PLPPR4: variants seen among roughly 807,000 people sequenced by gnomAD.
PLPPR4 encodes the protein phospholipid phosphatase-related protein type 4.
Under a neutral mutation model 56.6 loss-of-function variants are expected in PLPPR4, and 24 were observed. The ratio of observed to expected loss-of-function variants is 0.42; its 90% CI spans 0.31 to 0.60. The LOEUF (loss-of-function observed/expected upper bound fraction) is 0.60, where lower values mean the gene tolerates loss of function less well. Ranked by LOEUF, PLPPR4 falls within the 20% of genes least tolerant of loss-of-function variation. The pLI, the probability that PLPPR4 is intolerant of heterozygous loss-of-function variation, is 0.13. For missense variants in PLPPR4, 654 were observed against 885.8 expected (o/e 0.74, Z 3.32); for synonymous variants, 326 against 328.1 (o/e 0.99, Z 0.07).
chr1:99,303,299 A>G (rs1238240669), intron 6 of PLPPR4, among the ~76,000 whole-genome samples: 3 of 152,174 alleles, frequency 2.0e-5, no homozygotes, highest in Non-Finnish European at 4.4e-5. Flanking sequence ...CACTGGACAG[A>G]TGATGACTTC....
Position 99,307,682 on chromosome 1 carries a change from A to G in PLPPR4, c.*672A>G, listed in dbSNP as rs1045418070. 1 of 152,234 alleles carries G rather than the reference A, an allele frequency of 6.6e-6. No homozygotes were observed. Among genetic ancestry groups the G allele is most frequent in the Non-Finnish European group, 1.5e-5 (1 of 68,050 alleles). The allele number at this position is 152,234 out of a possible 1,614,324, so 9.4% of individuals were successfully genotyped here. On this transcript the variant is annotated 3_prime_UTR_variant, in exon 7 of 7. Transcript: ENST00000370185. ...GTTTCTTCAAAATTCTGCTTTCTTC[A>G]ACATCAAAAATTGTGTAGAAATATT...
intron 3 of PLPPR4, 35 bp from the exon 4 acceptor site, chr1:99,299,000 C>A: frequency 1.4e-6 from 2 of 1,478,536 alleles, no homozygotes; most frequent in Non-Finnish European, 1.9e-6. Context: ...ACACAACCAC[C>A]AACTTGGTAA....
chr1:99,274,905 G>A (rs11166210), intron 1 of PLPPR4, among the ~76,000 whole-genome samples: 13,246 of 152,120 alleles, frequency 0.087, 1,043 homozygotes, highest in African/African-American at 0.2. Context: ...CCTCAACTGA[G>A]CCATCTGTGA....
At position 99,298,066 on chromosome 1, in the gene PLPPR4, TG is replaced by T. The variant is rs140076284; in HGVS notation, c.395-967del. Among the ~76,000 whole-genome samples the T allele has an allele frequency of 5.2e-3, 793 of 152,240 alleles. 7 individuals are homozygous for T. The highest frequency in any genetic ancestry group is 6.4e-3 in the Non-Finnish European group (436 of 68,016). Reference sequence around the variant, plus strand: ...CCAGGTGTGTGGGTGGAGAAGCAATTGGAGGAATGGTGGTTAGGTGACAGTA... The same window carrying T: ...CCAGGTGTGTGGGTGGAGAAGCAATTGAGGAATGGTGGTTAGGTGACAGTA... On this transcript the variant is annotated intron_variant, in intron 3 of 6. Transcript: ENST00000370185.
chr1:99,301,073 T>G lies in PLPPR4; in HGVS notation c.648+107T>G, dbSNP rs914752518. The G allele has an allele frequency of 5.3e-5, 53 of 1,005,890 alleles. No individual in the cohort carries two copies. In the Admixed American group the frequency reaches 1.0e-3, roughly 19 times the overall value. 62.3% of individuals were successfully genotyped at this position (1,005,890 alleles called of 1,614,324 possible). A position where few individuals can be genotyped will look rare whatever the true frequency, so the allele number is the denominator to read the frequency against. On this transcript the variant is annotated intron_variant, in intron 5 of 6. Coordinates refer to ENST00000370185, the MANE Select transcript of PLPPR4 (RefSeq NM_014839.5). ...ATGATATAACCATGTAATAACAGAA[T>G]GGTAAATTTAGCACTGCAGCCTTTC...
chr1:99,283,839 C>T (rs1241514963), intron 1 of PLPPR4, among the ~76,000 whole-genome samples: 6 of 152,126 alleles, frequency 3.9e-5, no homozygotes, highest in Admixed American at 2.6e-4. Context: ...GTAGTCCCAG[C>T]TACTCAGGAG....
chr1:99,287,129 A>G (rs1242245546), intron 1 of PLPPR4, among the ~76,000 whole-genome samples: 11 of 152,104 alleles, frequency 7.2e-5, no homozygotes, highest in Non-Finnish European at 7.3e-5. Context: ...ATGAATGAGA[A>G]TATGTGTGTT....
chr1:99,278,432 G>A (rs532540472), intron 1 of PLPPR4, among the ~76,000 whole-genome samples: 12 of 152,160 alleles, frequency 7.9e-5, no homozygotes, highest in African/African-American at 2.6e-4. Context: ...AACATTAGTA[G>A]CATTAAATTA....
intron 1 of PLPPR4, among the ~76,000 whole-genome samples, chr1:99,280,503 T>C (rs894533828): frequency 6.6e-6 from 1 of 152,174 alleles, no homozygotes; most frequent in African/African-American, 2.4e-5. Flanking sequence ...ACCTAAAACA[T>C]TAAAAGCACT....
At position 99,307,973 on chromosome 1, in the gene PLPPR4, C is replaced by T. The variant is rs1038555939; in HGVS notation, c.*963C>T. The T allele has an allele frequency of 2.0e-5, 3 of 152,102 alleles. No homozygotes were observed. The highest frequency in any genetic ancestry group is 2.9e-5 in the Non-Finnish European group (2 of 68,004). 9.4% of individuals were successfully genotyped at this position (152,102 alleles called of 1,614,324 possible). ...AAAATAACAATTGACATTCCTTGAG[C>T]AAAATATACTGCTGTGAATTTGCAA... On this transcript the variant is annotated 3_prime_UTR_variant, in exon 7 of 7. Transcript: ENST00000370185.
At chr1:99,274,932 C>G (rs1659144521) in intron 1 of PLPPR4, among the ~76,000 whole-genome samples, 4 of 152,118 alleles carry the variant, frequency 2.6e-5, no homozygotes, top group Admixed American at 2.6e-4. Flanking sequence ...GAATATTATG[C>G]TTTCTAAAAA....
At chr1:99,264,097 C>T (rs1175477637), upstream of PLPPR4, 1 of 266,618 alleles carries the variant, frequency 3.8e-6, no homozygotes, top group African/African-American at 2.2e-5. Flanking sequence ...GGCTTCTGAT[C>T]CTTAGCATTC....
intron 4 of PLPPR4, among the ~76,000 whole-genome samples, 168 bp from the exon 5 acceptor site, chr1:99,300,741 T>C (rs568398286): frequency 1.3e-5 from 2 of 152,200 alleles, no homozygotes; most frequent in Non-Finnish European, 2.9e-5. Flanking sequence ...TTAGCAGCAT[T>C]TATTTTATCA....
In PLPPR4 at chr1:99,295,690, T is replaced by G. The variant is rs961369447; in HGVS notation, c.265-1048T>G. Among the ~76,000 whole-genome samples the G allele has an allele frequency of 2.0e-5, 3 of 152,232 alleles. No homozygotes were observed. In the East Asian group the frequency reaches 5.8e-4, roughly 29 times the overall value. ...GGATAATTTTAAATCTTGCTTCTGTTGTACAGAATAATTGACAACCCAACG... is the reference window on the plus strand; with the variant it reads ...GGATAATTTTAAATCTTGCTTCTGTGGTACAGAATAATTGACAACCCAACG... On this transcript the variant is annotated intron_variant, in intron 2 of 6. Transcript: ENST00000370185.
intron 1 of PLPPR4, among the ~76,000 whole-genome samples, chr1:99,268,883 T>C (rs1039771709): frequency 2.0e-5 from 3 of 152,232 alleles, no homozygotes; most frequent in South Asian, 4.1e-4. Context: ...ACAGTGGCAA[T>C]TGCAGCCAGC....
intron 1 of PLPPR4, among the ~76,000 whole-genome samples, chr1:99,267,289 G>A (rs1658923670): frequency 6.6e-6 from 1 of 152,178 alleles, no homozygotes; most frequent in Admixed American, 6.5e-5. Context: ...AATGAGGGAA[G>A]GGAAACTTAC....
intron 1 of PLPPR4, among the ~76,000 whole-genome samples, chr1:99,281,217 C>T (rs995994829): frequency 4.6e-5 from 7 of 152,138 alleles, no homozygotes; most frequent in Non-Finnish European, 1.0e-4. Context: ...TTTCCCAAAT[C>T]CCAAAAGCTG....
upstream of PLPPR4, chr1:99,264,432 A>T: frequency 2.7e-6 from 4 of 1,464,450 alleles, no homozygotes; most frequent in Non-Finnish European, 3.6e-6. Context: ...AGGGGCGGGG[A>T]GAAGGCGGGG....
chr1:99,283,015 A>G (rs747370318), intron 1 of PLPPR4, among the ~76,000 whole-genome samples: 16 of 148,682 alleles, frequency 1.1e-4, no homozygotes, highest in Non-Finnish European at 2.2e-4. Context: ...TATGAAATAT[A>G]TATTGTTTAC....
Sources: gnomAD v4.1 joint callset for allele counts (sites outside exome capture counted in the v4.1 genomes callset) on GRCh38, gnomAD v4.1.1 for gene constraint, MANE v1.5 for transcripts, NCBI Gene and HGNC (gene_info 2026-07-23, HGNC 2026-07-21) for gene names.